SGCZ: variants seen among roughly 807,000 people sequenced by gnomAD.
The protein encoded by SGCZ is zeta-sarcoglycan.
SGCZ carries 40 observed loss-of-function variants against 41.3 expected under a neutral mutation model. The observed-to-expected ratio is 0.97, with a 90% CI of 0.75 to 1.26. SGCZ has a LOEUF of 1.26. SGCZ is among the 50% of genes most tolerant of loss of function. SGCZ has a pLI of 0.00. For synonymous variants in SGCZ, 206 were observed against 137.5 expected, an observed-to-expected ratio of 1.50 and a Z score of -3.49; for missense variants, 552 against 369.8, an observed-to-expected ratio of 1.49 and a Z score of -4.04.
At chr8:15,151,546 C>G (rs1163345303) in intron 1 of SGCZ, among the ~76,000 whole-genome samples, 2 of 152,072 alleles carry the variant, frequency 1.3e-5, no homozygotes, top group African/African-American at 2.4e-5. Context: ...ATTTTTAGTC[C>G]TCTCTGAATA....
chr8:14,317,648 T>C (rs923109809), intron 3 of SGCZ, among the ~76,000 whole-genome samples: 2 of 151,796 alleles, frequency 1.3e-5, no homozygotes, highest in Admixed American at 6.6e-5. Flanking sequence ...TGTTAAGAAA[T>C]GTTTCTGAAC....
intron 2 of SGCZ, among the ~76,000 whole-genome samples, chr8:14,547,025 GA>G (rs35543580): frequency 1.1e-3 from 159 of 147,668 alleles, no homozygotes; most frequent in African/African-American, 2.6e-3. Context: ...AATCTTGCTG[GA>G]AAAAAAAAAG....
intron 4 of SGCZ, among the ~76,000 whole-genome samples, chr8:14,228,560 G>C (rs1690676768): frequency 6.6e-6 from 1 of 151,986 alleles, no homozygotes; most frequent in Non-Finnish European, 1.5e-5. Flanking sequence ...AGTGATTTCT[G>C]CAGTATTGTG....
At chr8:14,849,200 A>G (rs778119494) in intron 1 of SGCZ, among the ~76,000 whole-genome samples, 1 of 152,156 alleles carries the variant, frequency 6.6e-6, no homozygotes, top group Non-Finnish European at 1.5e-5. Flanking sequence ...ATGTAGTGGA[A>G]CTGAACTTCT....
chr8:14,125,016 T>TAA (rs1477225147), intron 5 of SGCZ, among the ~76,000 whole-genome samples: 1 of 152,050 alleles, frequency 6.6e-6, no homozygotes, highest in Admixed American at 6.5e-5. Flanking sequence ...AGCAGAGAGC[T>TAA]AAATTATGAA....
At chr8:14,643,504 C>A (rs749500700) in intron 1 of SGCZ, among the ~76,000 whole-genome samples, 3 of 147,734 alleles carry the variant, frequency 2.0e-5, no homozygotes. Flanking sequence ...TGAGCAGATG[C>A]GAAGAAAGAA....
At chr8:14,350,477 G>A (rs979665984) in intron 2 of SGCZ, among the ~76,000 whole-genome samples, 3 of 152,070 alleles carry the variant, frequency 2.0e-5, no homozygotes, top group Non-Finnish European at 2.9e-5. Flanking sequence ...AGGAGTGTTA[G>A]GGGCTGGTGA....
intron 1 of SGCZ, among the ~76,000 whole-genome samples, chr8:14,772,003 A>G (rs956015544): frequency 3.9e-5 from 6 of 152,160 alleles, no homozygotes; most frequent in Admixed American, 6.5e-5. Flanking sequence ...TGATTTTTCA[A>G]CTTTACAATG....
chr8:14,513,442 A>C (rs578223117), intron 2 of SGCZ, among the ~76,000 whole-genome samples: 1 of 152,146 alleles, frequency 6.6e-6, no homozygotes, highest in Non-Finnish European at 1.5e-5. Context: ...TCACAAGTCC[A>C]TAGAGTTTAT....
At chr8:15,145,181 C>T (rs560546) in intron 1 of SGCZ, among the ~76,000 whole-genome samples, 1 of 152,176 alleles carries the variant, frequency 6.6e-6, no homozygotes, top group African/African-American at 2.4e-5. Flanking sequence ...TAATTCTTTA[C>T]GATTCTGAAA....
intron 1 of SGCZ, among the ~76,000 whole-genome samples, chr8:14,720,120 A>AT (rs566487678): frequency 6.6e-6 from 1 of 151,800 alleles, no homozygotes; most frequent in Admixed American, 6.6e-5. Flanking sequence ...TCTGACTTAT[A>AT]TTTTTTTCTT....
chr8:14,641,453 T>C (rs1465076065), intron 1 of SGCZ, among the ~76,000 whole-genome samples: 3 of 151,714 alleles, frequency 2.0e-5, no homozygotes, highest in Non-Finnish European at 4.4e-5. Flanking sequence ...GTCACAATTA[T>C]TTCCTCAAAA....
chr8:15,183,162 T>TG (rs1563170579), intron 1 of SGCZ, among the ~76,000 whole-genome samples: 13 of 115,766 alleles, frequency 1.1e-4, no homozygotes, highest in African/African-American at 5.4e-4. Context: ...ACAGTTAACT[T>TG]TTTTTATAAG....
intron 1 of SGCZ, among the ~76,000 whole-genome samples, chr8:14,770,047 TG>T (rs1387027344): frequency 2.0e-5 from 3 of 151,328 alleles, no homozygotes; most frequent in African/African-American, 4.8e-5. Flanking sequence ...TGCACCAATT[TG>T]TTTTTTCATT....
chr8:15,082,028 C>T (rs986786711), intron 1 of SGCZ, among the ~76,000 whole-genome samples: 21 of 151,936 alleles, frequency 1.4e-4, no homozygotes, highest in Non-Finnish European at 2.7e-4. Flanking sequence ...ATAAGAACTG[C>T]GACCAACCTG....
intron 1 of SGCZ, among the ~76,000 whole-genome samples, chr8:15,122,556 AG>A (rs1807522852): frequency 6.6e-6 from 1 of 152,178 alleles, no homozygotes; most frequent in Admixed American, 6.5e-5. Context: ...ATATTTTAAT[AG>A]CCCAATGTCT....
Position 14,148,029 on chromosome 8 carries a change from CA to C in SGCZ, c.547+16550del, listed in dbSNP as rs1375108407. 1.1e-4 allele frequency among the ~76,000 whole-genome samples: 16 copies of C among 151,986 alleles called. No homozygotes were observed. In the South Asian group the frequency reaches 2.3e-3, roughly 22 times the overall value. On this transcript the variant is annotated intron_variant, in intron 5 of 7. Transcript: ENST00000382080. ...AAATGATAACCTAAACACAACATAC[CA>C]AAACCTATGGGATACAGCAAAAATA...
At chr8:14,303,813 G>A (rs780231574) in intron 3 of SGCZ, among the ~76,000 whole-genome samples, 93 of 151,928 alleles carry the variant, frequency 6.1e-4, no homozygotes, top group African/African-American at 2.0e-3. Context: ...GTGAAGTGGC[G>A]CGATCTCGGC....
intron 1 of SGCZ, among the ~76,000 whole-genome samples, chr8:14,781,436 C>G (rs1800584280): frequency 6.6e-6 from 1 of 152,100 alleles, no homozygotes; most frequent in African/African-American, 2.4e-5. Flanking sequence ...GCCATGTTAA[C>G]CAGGCTGGTC....
Sources: gnomAD v4.1 joint callset for allele counts (sites outside exome capture counted in the v4.1 genomes callset) on GRCh38, gnomAD v4.1.1 for gene constraint, MANE v1.5 for transcripts, NCBI Gene and HGNC (gene_info 2026-07-23, HGNC 2026-07-21) for gene names.